ENOSF1: variants seen among roughly 807,000 people sequenced by gnomAD.
ENOSF1 encodes the protein enolase superfamily member 1.
In ENOSF1, 73 loss-of-function variants were observed where a neutral mutation model predicts 68.2. The ratio of observed to expected loss-of-function variants is 1.07; its 90% CI spans 0.89 to 1.30. ENOSF1 has a LOEUF of 1.30. Among genes scored for constraint, ENOSF1 ranks in the 50% most tolerant of loss-of-function variants. The probability of loss-of-function intolerance (pLI) is 0.00; values close to 1 mark genes in which losing one functional copy is unlikely to be tolerated. For synonymous variants in ENOSF1, 223 were observed against 210.4 expected (o/e 1.06, Z -0.52); for missense variants, 589 against 554.5 (o/e 1.06, Z -0.62).
intron 11 of ENOSF1, among the ~76,000 whole-genome samples, chr18:682,715 C>CAA (rs35814994): frequency 0.035 from 1,975 of 56,566 alleles, 102 homozygotes; most frequent in African/African-American, 0.11. Context: ...CTAAAAATAC[C>CAA]AAAAAAAAAA....
intron 11 of ENOSF1, among the ~76,000 whole-genome samples, chr18:681,832 A>G (rs934917908): frequency 6.6e-6 from 1 of 152,160 alleles, no homozygotes; most frequent in Non-Finnish European, 1.5e-5. Context: ...CGAGGCTGCA[A>G]TGTGGAAGGG....
In ENOSF1 at chr18:670,809, T is replaced by C; in HGVS notation, c.*3496A>G. 1.2e-6 allele frequency: 2 copies of C among 1,614,110 alleles called. No individual in the cohort carries two copies. Among genetic ancestry groups the C allele is most frequent in the Non-Finnish European group, 8.5e-7 (1 of 1,180,030 alleles). Reference sequence around the variant, plus strand: ...GGAGACATGGGCCTCGGTGTGCCTTTCAACATCGCCAGCTACGCCCTGCTC... The same window carrying C: ...GGAGACATGGGCCTCGGTGTGCCTTCCAACATCGCCAGCTACGCCCTGCTC... On this transcript the variant is annotated 3_prime_UTR_variant, in exon 16 of 16. Coordinates refer to ENST00000647584, the MANE Select transcript of ENOSF1 (RefSeq NM_017512.7).
Position 670,792 on chromosome 18 carries a change from G to A in ENOSF1, c.*3513C>T. 1 of 1,614,106 alleles carries A rather than the reference G, an allele frequency of 6.2e-7. No homozygotes were observed. The highest frequency in any genetic ancestry group is 8.5e-7 in the Non-Finnish European group (1 of 1,180,040). Reference sequence around the variant, plus strand: ...AGCTGTACCAGAGATCGGGAGACATGGGCCTCGGTGTGCCTTTCAACATCG... The same window carrying A: ...AGCTGTACCAGAGATCGGGAGACATAGGCCTCGGTGTGCCTTTCAACATCG... On this transcript the variant is annotated 3_prime_UTR_variant, in exon 16 of 16. Coordinates refer to ENST00000647584, the MANE Select transcript of ENOSF1 (RefSeq NM_017512.7).
chr18:698,312 A>G (rs2741173), intron 2 of ENOSF1, among the ~76,000 whole-genome samples: 51,149 of 152,128 alleles, frequency 0.34, 8,862 homozygotes, highest in Non-Finnish European at 0.37. Context: ...ACCAAACCAC[A>G]CTAGTTCATG....
chr18:674,523 AT>A (rs113915772), intron 15 of ENOSF1, 117 bp from the exon 16 acceptor site: 21,334 of 537,012 alleles, frequency 0.04, 6 homozygotes, highest in South Asian at 0.05. Flanking sequence ...CAATTAATTA[AT>A]TTTTTTTTTT....
chr18:693,055 C>G, intron 5 of ENOSF1: 1 of 1,282,284 alleles, frequency 7.8e-7, no homozygotes, highest in Non-Finnish European at 1.0e-6. Context: ...GTCACATGCT[C>G]AAGGTCATGC....
chr18:677,362 A>C lies in ENOSF1; in HGVS notation c.1131T>G (p.Ser377=), dbSNP rs1352347580. 1 of 1,613,874 alleles carries C rather than the reference A, an allele frequency of 6.2e-7. No individual in the cohort carries two copies. The highest frequency in any genetic ancestry group is 1.1e-5 in the South Asian group (1 of 91,026). The change falls in exon 14 of 16, where the codon TCT becomes TCG. Residue 377 remains serine (S), a synonymous_variant. Coordinates refer to ENST00000647584, the MANE Select transcript of ENOSF1 (RefSeq NM_017512.7). ...HLIIFDYISV[S]ASLENRVCEY... ...TTACTGACCTATTTTCAAGGCTTGC[A>C]GAAACTGATATGTAGTCAAATATAA...
chr18:699,603 T>C (rs1327889497), intron 2 of ENOSF1, among the ~76,000 whole-genome samples: 4 of 152,214 alleles, frequency 2.6e-5, no homozygotes, highest in South Asian at 2.1e-4. Context: ...GTTGTGTAAA[T>C]GGACACAATA....
intron 1 of ENOSF1, among the ~76,000 whole-genome samples, chr18:710,695 T>C (rs2079424623): frequency 1.3e-5 from 2 of 152,202 alleles, no homozygotes; most frequent in African/African-American, 4.8e-5. Context: ...ACTGACGGCC[T>C]TCTCTGAGCC....
intron 11 of ENOSF1, among the ~76,000 whole-genome samples, chr18:680,741 C>T (rs946961354): frequency 2.8e-4 from 39 of 140,200 alleles, no homozygotes; most frequent in Admixed American, 1.7e-3. Flanking sequence ...AGTGCAATGG[C>T]GCAAACTTGG....
intron 2 of ENOSF1, among the ~76,000 whole-genome samples, chr18:699,713 T>C (rs2078115436): frequency 6.6e-6 from 1 of 152,238 alleles, no homozygotes; most frequent in Non-Finnish European, 1.5e-5. Context: ...AGTAAAAGTT[T>C]TTAGTCATTT....
At chr18:700,337 A>C (rs999473752) in intron 2 of ENOSF1, among the ~76,000 whole-genome samples, 15 of 152,288 alleles carry the variant, frequency 9.8e-5, no homozygotes, top group South Asian at 4.2e-4. Context: ...AATCTGAAGT[A>C]AGTCAGTGAC....
chr18:667,363 GAGA>G (rs770382459), downstream of ENOSF1, among the ~76,000 whole-genome samples: 2 of 29,538 alleles, frequency 6.8e-5, no homozygotes, highest in African/African-American at 3.4e-4. Context: ...GATGGTGATG[GAGA>G]TGGTGATGGT....
Position 706,477 on chromosome 18 carries a change from A to G in ENOSF1, c.186T>C (p.Thr62=). 6.2e-7 allele frequency: 1 copy of G among 1,610,690 alleles called. No homozygotes were observed. Residue 62 remains threonine, a synonymous_variant, in exon 2 of 16, where the codon ACT becomes ACC. Coordinates refer to ENST00000647584, the MANE Select transcript of ENOSF1 (RefSeq NM_017512.7). ...AGAGAATCTTCAACTCACCAACTTC[A>G]GTGCCTTTTCCCAGAGTGAAGGTAA... ...CGITFTLGKG[T]EVVVCAVNAL...
At chr18:681,548 G>A (rs539094830) in intron 11 of ENOSF1, among the ~76,000 whole-genome samples, 7 of 152,276 alleles carry the variant, frequency 4.6e-5, no homozygotes, top group South Asian at 2.1e-4. Context: ...TTGTTTCCCC[G>A]GGGCTCCTCA....
In ENOSF1 at chr18:690,552, C is replaced by T. The variant is rs1175294452; in HGVS notation, c.615G>A (p.Lys205=). The change falls in exon 8 of 16, where the codon AAG becomes AAA. Residue 205 remains lysine, a synonymous_variant. Coordinates refer to ENST00000647584, the MANE Select transcript of ENOSF1 (RefSeq NM_017512.7). ...AWLGYSDDTL[K]QLCAQALKDG... ...AAAGCCAGGTTAAAATGCCCACCTG[C>T]TTCAACGTGTCATCTGAGTACCCCA... 3.7e-6 allele frequency: 6 copies of T among 1,614,034 alleles called. No individual in the cohort carries two copies. The highest frequency in any genetic ancestry group is 5.1e-6 in the Non-Finnish European group (6 of 1,180,048).
chr18:669,296 A>T (rs201631829), downstream of ENOSF1: 8 of 247,902 alleles, frequency 3.2e-5, no homozygotes, highest in Non-Finnish European at 4.2e-5. Flanking sequence ...CACATGGTTG[A>T]TTGTGTGACG....
At chr18:694,114 G>T in intron 4 of ENOSF1, 134 bp downstream of exon 4, 1 of 1,100,382 alleles carries the variant, frequency 9.1e-7, no homozygotes, top group Non-Finnish European at 1.3e-6. Flanking sequence ...CCTCTCAGAG[G>T]AGAAAAAAAC....
In ENOSF1 at chr18:671,100, T is replaced by C. The variant is rs1024542607; in HGVS notation, c.*3205A>G. 21 of 626,710 alleles carry C rather than the reference T, an allele frequency of 3.4e-5. No homozygotes were observed. The highest frequency in any genetic ancestry group is 5.5e-5 in the African/African-American group (3 of 54,232). The allele number at this position is 626,710 out of a possible 1,614,324, so 38.8% of individuals were successfully genotyped here. Reference sequence around the variant, plus strand: ...CAGGTTGTTTGTGATACAGCTTCTATGGATTTTCTCAAAAGCTATGCTGAG... The same window carrying C: ...CAGGTTGTTTGTGATACAGCTTCTACGGATTTTCTCAAAAGCTATGCTGAG... On this transcript the variant is annotated 3_prime_UTR_variant, in exon 16 of 16. Transcript: ENST00000647584.
Sources: gnomAD v4.1 joint callset for allele counts (sites outside exome capture counted in the v4.1 genomes callset) on GRCh38, gnomAD v4.1.1 for gene constraint, MANE v1.5 for transcripts, NCBI Gene and HGNC (gene_info 2026-07-23, HGNC 2026-07-21) for gene names.